The following PSMG2 variants were observed in gnomAD, a reference collection of about 807,000 sequenced individuals.
The protein encoded by PSMG2 is proteasome assembly chaperone 2, also known as CD40 ligand-activated specific transcript 3.
A neutral mutation model predicts 31.5 loss-of-function variants in PSMG2; 21 were observed. The ratio of observed to expected loss-of-function variants is 0.67; its 90% CI spans 0.47 to 0.96. The LOEUF (loss-of-function observed/expected upper bound fraction) is 0.96. Among genes scored for constraint, PSMG2 ranks in the 40% least tolerant of loss-of-function variants. The pLI, the probability that PSMG2 is intolerant of heterozygous loss-of-function variation, is 0.00. For synonymous variants in PSMG2, 120 were observed against 110.4 expected, an observed-to-expected ratio of 1.09 and a Z score of -0.54; for missense variants, 318 against 321.2, an observed-to-expected ratio of 0.99 and a Z score of 0.08.
At chr18:12,712,064 A>G (rs963800162) in intron 2 of PSMG2, among the ~76,000 whole-genome samples, 2 of 152,106 alleles carry the variant, frequency 1.3e-5, no homozygotes, top group Non-Finnish European at 2.9e-5. Context: ...GCTGCTTCTC[A>G]TTCTTAGAAA....
chr18:12,706,531 A>G lies in PSMG2; in HGVS notation c.58-19A>G, dbSNP rs376100835. 1.2e-6 allele frequency: 2 copies of G among 1,612,198 alleles called. No individual in the cohort carries two copies. Among genetic ancestry groups the G allele is most frequent in the Non-Finnish European group, 8.5e-7 (1 of 1,179,458 alleles). On this transcript the variant is annotated intron_variant, in intron 1 of 6. Coordinates refer to ENST00000317615, the MANE Select transcript of PSMG2 (RefSeq NM_020232.5). Reference sequence around the variant, plus strand: ...TGCTAATTTTGGTGACTTACTGAACATATCTTTTATAATTTCAGCCAGCAG... The same window carrying G: ...TGCTAATTTTGGTGACTTACTGAACGTATCTTTTATAATTTCAGCCAGCAG...
At chr18:12,700,362 G>T (rs2040110043), upstream of PSMG2, 1 of 152,582 alleles carries the variant, frequency 6.6e-6, no homozygotes, top group African/African-American at 2.4e-5. Flanking sequence ...ATTCCCTATT[G>T]TATTATGAAG....
chr18:12,702,942 C>T (rs2040208072), upstream of PSMG2: 1 of 755,534 alleles, frequency 1.3e-6, no homozygotes, highest in African/African-American at 1.9e-5. Flanking sequence ...TCTTTCCGCC[C>T]TCTGAACCGG....
intron 2 of PSMG2, among the ~76,000 whole-genome samples, chr18:12,708,909 G>A (rs759981326): frequency 7.4e-5 from 11 of 148,836 alleles, no homozygotes; most frequent in African/African-American, 1.7e-4. Context: ...ATGGGGTTTC[G>A]CCATGTTGGC....
rs371133102 is a variant in PSMG2 at position 12,664,153 on chromosome 18, G to A, written c.-37+5380G>A. 2.7e-5 allele frequency among the ~76,000 whole-genome samples: 4 copies of A among 146,482 alleles called. No individual in the cohort carries two copies. In the East Asian group the frequency reaches 8.0e-4, roughly 29 times the overall value. ...GCACTCCAGTCTGGGCAACCAGAGC[G>A]AAACTCCATCTCAAAAGAAAAAAGA... On this transcript the variant is annotated intron_variant, in intron 1 of 6. Coordinates refer to the PSMG2 transcript ENST00000585331.
At chr18:12,658,838 C>A (rs2038636169) in intron 1 of PSMG2, 1 of 322,550 alleles carries the variant, frequency 3.1e-6, no homozygotes, top group African/African-American at 2.2e-5. Context: ...AAAGCTAAAC[C>A]AGCGCCTGGA....
At chr18:12,697,760 A>G (rs2040007187) in intron 1 of PSMG2, among the ~76,000 whole-genome samples, 1 of 152,228 alleles carries the variant, frequency 6.6e-6, no homozygotes, top group African/African-American at 2.4e-5. Context: ...CTACCTCAAG[A>G]AATCCCTTTA....
chr18:12,667,017 C>T (rs1049679238), intron 1 of PSMG2, among the ~76,000 whole-genome samples: 16 of 151,446 alleles, frequency 1.1e-4, no homozygotes, highest in East Asian at 3.9e-4. Context: ...AAGATGTATA[C>T]GGAAAACAAC....
At chr18:12,664,848 G>T (rs547225050) in intron 1 of PSMG2, among the ~76,000 whole-genome samples, 1 of 151,558 alleles carries the variant, frequency 6.6e-6, no homozygotes, top group African/African-American at 2.4e-5. Context: ...ACAGGCGCCC[G>T]TCACCATGCC....
chr18:12,695,243 TA>T, intron 1 of PSMG2: 1 of 1,242,876 alleles, frequency 8.0e-7, no homozygotes, highest in Non-Finnish European at 1.1e-6. Flanking sequence ...GAGAAACTCA[TA>T]AGTATTTACC....
In PSMG2 at chr18:12,682,936, G is replaced by A. The variant is rs182377276; in HGVS notation, c.-36-23614G>A. On this transcript the variant is annotated intron_variant, in intron 1 of 6. Transcript: ENST00000585331. ...TGCGCCTGGCTTAATCAACCTTTTA[G>A]ACCCAATTATTTCTGAGATTTTGTC... is the stretch of plus-strand genomic sequence containing the variant. Among the ~76,000 whole-genome samples the A allele has an allele frequency of 5.0e-4, 76 of 152,002 alleles. No individual in the cohort carries two copies. The East Asian group carries it at 0.014, about 29-fold the overall frequency.
chr18:12,661,325 A>T (rs1598599667), intron 1 of PSMG2: 2 of 980,418 alleles, frequency 2.0e-6, no homozygotes, highest in Non-Finnish European at 2.4e-6. Flanking sequence ...GAAGAAAAAA[A>T]ATTGATAAGC....
chr18:12,711,294 C>T (rs1044002847), intron 2 of PSMG2, among the ~76,000 whole-genome samples: 2 of 151,966 alleles, frequency 1.3e-5, no homozygotes, highest in Admixed American at 6.6e-5. Flanking sequence ...TTGTATGATA[C>T]GCTGATGAGG....
rs2038654078 is a variant in PSMG2 at position 12,659,649 on chromosome 18, G to C, written c.-37+876G>C. 1.3e-5 allele frequency among the ~76,000 whole-genome samples: 2 copies of C among 152,232 alleles called. 1 individual carries two copies. Among genetic ancestry groups the C allele is most frequent in the South Asian group, 4.1e-4 (2 of 4,826 alleles). Reference sequence around the variant, plus strand: ...CACACCACTGCACTCCAGCCTGGGGGACAGAGCGAGAGTCTGTCTCAAAAA... The same window carrying C: ...CACACCACTGCACTCCAGCCTGGGGCACAGAGCGAGAGTCTGTCTCAAAAA... On this transcript the variant is annotated intron_variant, in intron 1 of 6. Transcript: ENST00000585331.
At chr18:12,672,265 C>G (rs2144971538) in intron 1 of PSMG2, among the ~76,000 whole-genome samples, 1 of 151,992 alleles carries the variant, frequency 6.6e-6, no homozygotes, top group South Asian at 2.1e-4. Flanking sequence ...CAGGTGTGAG[C>G]CACCGCACCC....
intron 5 of PSMG2, among the ~76,000 whole-genome samples, chr18:12,723,498 C>T (rs528330704): frequency 4.7e-4 from 72 of 152,162 alleles, no homozygotes; most frequent in African/African-American, 1.7e-3. Flanking sequence ...CTCTGTCTCA[C>T]GCAGTTCTCC....
chr18:12,702,693 G>C (rs1200031582), upstream of PSMG2: 1 of 864,416 alleles, frequency 1.2e-6, no homozygotes, highest in Admixed American at 3.1e-5. Context: ...GGGACGCAAC[G>C]CCGCGTCAGG....
intron 1 of PSMG2, among the ~76,000 whole-genome samples, chr18:12,674,987 T>C (rs1464669989): frequency 6.6e-6 from 1 of 152,172 alleles, no homozygotes; most frequent in Non-Finnish European, 1.5e-5. Flanking sequence ...CAAAACAATG[T>C]TCACAAAGTC....
intron 1 of PSMG2, chr18:12,695,260 G>C (rs1203774965): frequency 6.9e-7 from 1 of 1,457,268 alleles, no homozygotes; most frequent in Non-Finnish European, 9.5e-7. Context: ...TTACCTGTGT[G>C]TTCACTACTT....
Sources: allele counts gnomAD v4.1 joint callset (sites outside exome capture counted in the v4.1 genomes callset), GRCh38; gene constraint gnomAD v4.1.1; transcripts MANE v1.5; gene names NCBI Gene and HGNC (gene_info 2026-07-23, HGNC 2026-07-21).